The following DCC variants were observed in gnomAD, a reference collection of about 807,000 sequenced individuals.
The protein encoded by DCC is netrin receptor DCC.
DCC carries 58 observed loss-of-function variants against 172.5 expected under a neutral mutation model. The observed-to-expected ratio is 0.34, with a 90% confidence interval of 0.27 to 0.42. The LOEUF is 0.42. Ranked by LOEUF, DCC falls within the 10% of genes least tolerant of loss-of-function variation. The probability of loss-of-function intolerance (pLI) is 1.00; values close to 1 mark genes in which losing one functional copy is unlikely to be tolerated. For missense variants in DCC, 1,740 were observed against 1,791.0 expected, an observed-to-expected ratio of 0.97 and a Z score of 0.51; for synonymous variants, 709 against 644.5, an observed-to-expected ratio of 1.10 and a Z score of -1.52.
chr18:53,158,988 C>CAAAAAAAAAAAAA (rs558049091), intron 8 of DCC, among the ~76,000 whole-genome samples: 52 of 52,352 alleles, frequency 9.9e-4, no homozygotes, highest in African/African-American at 3.0e-3. Flanking sequence ...GACGCCATCT[C>CAAAAAAAAAAAAA]AAAAAAAAAA....
intron 1 of DCC, among the ~76,000 whole-genome samples, chr18:52,665,046 T>A (rs2035438969): frequency 6.6e-6 from 1 of 152,232 alleles, no homozygotes; most frequent in African/African-American, 2.4e-5. Context: ...GACTGCAGAA[T>A]ATTAGAACTT....
chr18:52,786,045 C>T (rs2037651359), intron 2 of DCC, among the ~76,000 whole-genome samples: 1 of 152,054 alleles, frequency 6.6e-6, no homozygotes, highest in Non-Finnish European at 1.5e-5. Context: ...CTGTTTATAG[C>T]CCTACTGCAA....
chr18:53,044,299 T>C (rs1254978113), intron 5 of DCC, among the ~76,000 whole-genome samples: 1 of 151,864 alleles, frequency 6.6e-6, no homozygotes, highest in Non-Finnish European at 1.5e-5. Flanking sequence ...TATTTCCTTG[T>C]TCAGGAATCA....
chr18:52,650,795 T>C (rs1161384721), intron 1 of DCC, among the ~76,000 whole-genome samples: 1 of 152,176 alleles, frequency 6.6e-6, no homozygotes, highest in Non-Finnish European at 1.5e-5. Flanking sequence ...AATAAACACA[T>C]GTGACAGTGC....
chr18:53,406,248 A>G (rs1313876937), intron 19 of DCC, among the ~76,000 whole-genome samples: 1 of 152,088 alleles, frequency 6.6e-6, no homozygotes, highest in African/African-American at 2.4e-5. Context: ...TAAAATCATC[A>G]AACCACTTTT....
chr18:52,787,492 C>T (rs1444190019), intron 2 of DCC, among the ~76,000 whole-genome samples: 3 of 152,090 alleles, frequency 2.0e-5, no homozygotes, highest in Non-Finnish European at 1.5e-5. Context: ...TGATTGATAG[C>T]ATATACTCAG....
At chr18:53,046,680 A>C (rs1288383412) in intron 5 of DCC, among the ~76,000 whole-genome samples, 1 of 152,002 alleles carries the variant, frequency 6.6e-6, no homozygotes, top group Non-Finnish European at 1.5e-5. Context: ...ATAACTTGAA[A>C]ACACAGATTA....
intron 1 of DCC, among the ~76,000 whole-genome samples, chr18:52,739,385 A>G (rs1164636728): frequency 6.6e-6 from 1 of 152,104 alleles, no homozygotes; most frequent in Non-Finnish European, 1.5e-5. Flanking sequence ...TTTGTTAAAT[A>G]CCTCTGAAAT....
chr18:53,379,856 T>A (rs1372692745), intron 15 of DCC, among the ~76,000 whole-genome samples: 1 of 152,226 alleles, frequency 6.6e-6, no homozygotes, highest in Non-Finnish European at 1.5e-5. Context: ...TAACCCAGAA[T>A]ATTCTTGATT....
At chr18:53,127,047 T>C (rs2144306247) in intron 7 of DCC, among the ~76,000 whole-genome samples, 1 of 151,912 alleles carries the variant, frequency 6.6e-6, no homozygotes, top group African/African-American at 2.4e-5. Flanking sequence ...ACTGAACACA[T>C]ATTAGAGATC....
intron 1 of DCC, among the ~76,000 whole-genome samples, chr18:52,435,865 C>A (rs1177672167): frequency 1.3e-5 from 2 of 152,122 alleles, no homozygotes; most frequent in Non-Finnish European, 2.9e-5. Context: ...GAGCACCTGC[C>A]CAGGGGGAGA....
chr18:52,511,297 A>AAAG (rs2031431205), intron 1 of DCC, among the ~76,000 whole-genome samples: 3 of 147,652 alleles, frequency 2.0e-5, no homozygotes, highest in Non-Finnish European at 1.5e-5. Flanking sequence ...AAAAAAAAAA[A>AAAG]AGAAAGAAAG....
intron 1 of DCC, among the ~76,000 whole-genome samples, chr18:52,601,966 C>T (rs2034026912): frequency 6.6e-6 from 1 of 152,070 alleles, no homozygotes; most frequent in Non-Finnish European, 1.5e-5. Flanking sequence ...GCACTAAGCT[C>T]TTGCTCTTCT....
intron 2 of DCC, among the ~76,000 whole-genome samples, chr18:52,886,615 C>G (rs1274820417): frequency 1.3e-5 from 2 of 151,906 alleles, no homozygotes; most frequent in Non-Finnish European, 2.9e-5. Context: ...TTTTTCCTGT[C>G]TATTGGAGGA....
rs766227441 is a variant in DCC at position 53,391,878 on chromosome 18, A to G, written c.2679A>G (p.Ala893=). The part of the protein sequence containing the change: ...VRWRTSFSAS[A]KYKSEDTTSL... ...GGAGAACCAGCTTTTCTGCAAGTGC[A>G]AAATACAAGGTGAAGTTCTAATTGA... is the stretch of plus-strand genomic sequence containing the variant. Residue 893 remains alanine, a synonymous_variant, in exon 17 of 29, where the codon GCA becomes GCG. Transcript: ENST00000442544. 3.2e-6 allele frequency: 5 copies of G among 1,570,000 alleles called. No homozygotes were observed. The Admixed American group carries it at 6.7e-5, about 21-fold the overall frequency.
intron 5 of DCC, among the ~76,000 whole-genome samples, chr18:52,964,457 C>T (rs2040895874): frequency 6.6e-6 from 1 of 152,036 alleles, no homozygotes; most frequent in East Asian, 1.9e-4. Context: ...GTGATTGTGG[C>T]TTTTTTAATC....
At chr18:53,215,324 C>G (rs1212272604) in intron 11 of DCC, among the ~76,000 whole-genome samples, 1 of 151,644 alleles carries the variant, frequency 6.6e-6, no homozygotes, top group African/African-American at 2.4e-5. Flanking sequence ...TTAGGGGCTC[C>G]CTACATAGGT....
intron 1 of DCC, among the ~76,000 whole-genome samples, chr18:52,368,983 A>T (rs1186665456): frequency 6.6e-6 from 1 of 152,210 alleles, no homozygotes; most frequent in Non-Finnish European, 1.5e-5. Flanking sequence ...TGGCTCAGAA[A>T]GCACCAGTTC....
Position 52,752,043 on chromosome 18 carries a change from T to C in DCC, c.92-11T>C, listed in dbSNP as rs1171993592. The C allele has an allele frequency of 1.9e-6, 3 of 1,611,546 alleles. No homozygotes were observed. In the Admixed American group the frequency reaches 5.0e-5, roughly 27 times the overall value. ...TACATGAACATATTTCCCTGTGCTC[T>C]CTTGTTCCAGGTTTTCAAATTAAAG... On this transcript the variant is annotated splice_polypyrimidine_tract_variant and intron_variant, in intron 1 of 28. Transcript: ENST00000442544.
Sources: allele counts gnomAD v4.1 joint callset (sites outside exome capture counted in the v4.1 genomes callset), GRCh38; gene constraint gnomAD v4.1.1; transcripts MANE v1.5; gene names NCBI Gene and HGNC (gene_info 2026-07-23, HGNC 2026-07-21).